The following FRRS1L variants were observed in gnomAD, a reference collection of about 807,000 sequenced individuals.
FRRS1L encodes the protein DOMON domain-containing protein FRRS1L.
In FRRS1L, 22 loss-of-function variants were observed where a neutral mutation model predicts 28.6. The observed-to-expected ratio is 0.77, with a 90% CI of 0.55 to 1.10. The LOEUF is 1.10. Among genes scored for constraint, FRRS1L ranks in the 50% least tolerant of loss-of-function variants. FRRS1L has a pLI of 0.00. For missense variants in FRRS1L, 380 were observed against 386.9 expected (o/e 0.98, Z 0.15); for synonymous variants, 158 against 151.4 (o/e 1.04, Z -0.32).
intron 1 of FRRS1L, among the ~76,000 whole-genome samples, chr9:109,159,909 A>G (rs1257497876): frequency 1.3e-5 from 2 of 152,158 alleles, no homozygotes; most frequent in African/African-American, 4.8e-5. Flanking sequence ...AATCATGTGA[A>G]CCAGTTCCTT....
chr9:109,153,611 G>A (rs891025594), intron 1 of FRRS1L, among the ~76,000 whole-genome samples: 4 of 152,034 alleles, frequency 2.6e-5, no homozygotes, highest in Admixed American at 2.0e-4. Context: ...AATAATAGAA[G>A]CTGAAGTGGG....
At chr9:109,151,700 CA>C (rs569439329) in intron 1 of FRRS1L, 56 of 163,092 alleles carry the variant, frequency 3.4e-4, no homozygotes, top group Admixed American at 9.8e-4. Context: ...TTGAATCACC[CA>C]AAAACCTTCC....
intron 2 of FRRS1L, 81 bp from the exon 3 acceptor site, chr9:109,147,270 G>GTA: frequency 5.2e-6 from 6 of 1,155,826 alleles, no homozygotes; most frequent in African/African-American, 1.5e-5. Context: ...GTATCATGTG[G>GTA]GATGCTAAGC....
At position 109,158,270 on chromosome 9, in the gene FRRS1L, C is replaced by T. The variant is rs111947396; in HGVS notation, c.239-8550G>A. 8.4e-3 allele frequency among the ~76,000 whole-genome samples: 1,280 copies of T among 152,160 alleles called. 28 individuals carry two copies. The highest frequency in any genetic ancestry group is 0.029 in the African/African-American group (1,220 of 41,496). Reference sequence around the variant, plus strand: ...CTAGGAATTTGTCCATTTAAATTTTCGAGTGTATTGGCATAAAACTGTTCC... The same window carrying T: ...CTAGGAATTTGTCCATTTAAATTTTTGAGTGTATTGGCATAAAACTGTTCC... On this transcript the variant is annotated intron_variant, in intron 1 of 4. Transcript: ENST00000561981.
chr9:109,156,492 G>A (rs1197892967), intron 1 of FRRS1L, among the ~76,000 whole-genome samples: 5 of 151,650 alleles, frequency 3.3e-5, no homozygotes, highest in Admixed American at 6.6e-5. Context: ...GGGTTCAAGC[G>A]ATTCTCCTGC....
Position 109,166,908 on chromosome 9 carries a change from C to CGACA in FRRS1L, c.227_230dup (p.Glu78ValfsTer28), listed in dbSNP as rs1564238001. On this transcript the variant is annotated frameshift_variant, in exon 1 of 5. Transcript: ENST00000561981. LOFTEE classifies it high-confidence loss of function. ...GCCCTCCCGCAGCCTCACCCTCCTCCGACAGGTAGCGCAGGTCGTAGAACT... is the reference window on the plus strand; with the variant it reads ...GCCCTCCCGCAGCCTCACCCTCCTCCGACAGACAGGTAGCGCAGGTCGTAGAACT... The CGACA allele has an allele frequency of 7.4e-7, 1 of 1,357,586 alleles. No homozygotes were observed. The highest frequency in any genetic ancestry group is 2.7e-5 in the Admixed American group (1 of 37,054). The allele number at this position is 1,357,586 out of a possible 1,614,324, so 84.1% of individuals were successfully genotyped here.
At position 109,149,738 on chromosome 9, in the gene FRRS1L, AGAAG is replaced by A. The variant is rs1831307834; in HGVS notation, c.239-22_239-19del. On this transcript the variant is annotated intron_variant, in intron 1 of 4. Coordinates refer to ENST00000561981, the MANE Select transcript of FRRS1L (RefSeq NM_014334.4). ...GGGGTAACCTGGGCAGTGAGAATAA[AGAAG>A]GGTTAGAAAATCCAGTAACAACTGT... 2.6e-6 allele frequency: 4 copies of A among 1,536,620 alleles called. No individual in the cohort carries two copies. The highest frequency in any genetic ancestry group is 3.6e-6 in the Non-Finnish European group (4 of 1,113,136).
At chr9:109,157,005 C>A (rs999712858) in intron 1 of FRRS1L, among the ~76,000 whole-genome samples, 6 of 152,146 alleles carry the variant, frequency 3.9e-5, no homozygotes, top group Non-Finnish European at 5.9e-5. Context: ...TAAATGTATT[C>A]AAAACTGTAA....
intron 3 of FRRS1L, among the ~76,000 whole-genome samples, chr9:109,145,513 C>T (rs1383794115): frequency 2.0e-5 from 3 of 152,102 alleles, no homozygotes; most frequent in Non-Finnish European, 2.9e-5. Context: ...GCCTGGCCAA[C>T]GTGTGAAACC....
At chr9:109,152,803 CAAAAAAAAAAAAAAAAAAAAAAAAA>C (rs59385693) in intron 1 of FRRS1L, among the ~76,000 whole-genome samples, 2 of 24,116 alleles carry the variant, frequency 8.3e-5, no homozygotes, top group Non-Finnish European at 1.3e-4. Context: ...GACTCCATCT[CAAAAAAAAAAAAAAAAAAAAAAAAA>C]AAAAAAAAAA....
intron 1 of FRRS1L, among the ~76,000 whole-genome samples, chr9:109,155,268 C>T (rs1175147653): frequency 6.6e-6 from 1 of 152,218 alleles, no homozygotes; most frequent in Non-Finnish European, 1.5e-5. Flanking sequence ...GCATAAATGA[C>T]ACTGTGCAGT....
intron 4 of FRRS1L, 58 bp downstream of exon 4, chr9:109,141,285 A>G (rs943787010): frequency 1.9e-6 from 3 of 1,594,754 alleles, no homozygotes; most frequent in African/African-American, 2.7e-5. Context: ...TCAATTAACA[A>G]TGAACACAAG....
rs982813211 is a variant in FRRS1L, at chr9:109,137,348, T to C, written c.*107A>G. ...CAAAAAGCTGAAATTATATGAGGTT[T>C]TTTTTCTTAAATAATTGAAGCTAAA... On this transcript the variant is annotated 3_prime_UTR_variant, in exon 5 of 5. Transcript: ENST00000561981. 1.6e-5 allele frequency: 11 copies of C among 681,526 alleles called. No homozygotes were observed. The highest frequency in any genetic ancestry group is 7.0e-5 in the Admixed American group (2 of 28,392). The allele number at this position is 681,526 out of a possible 1,614,324, so 42.2% of individuals were successfully genotyped here.
intron 2 of FRRS1L, chr9:109,147,464 G>C (rs1365505344): frequency 3.0e-6 from 1 of 336,060 alleles, no homozygotes; most frequent in Admixed American, 4.5e-5. Context: ...CTTGAATCTG[G>C]GTATCTAAAC....
chr9:109,152,995 T>C (rs550604095), intron 1 of FRRS1L, among the ~76,000 whole-genome samples: 8 of 152,098 alleles, frequency 5.3e-5, no homozygotes, highest in African/African-American at 1.9e-4. Context: ...AAACTTGTAA[T>C]AGGAACTTGT....
At chr9:109,142,978 C>A (rs922664037) in intron 3 of FRRS1L, among the ~76,000 whole-genome samples, 1 of 112,492 alleles carries the variant, frequency 8.9e-6, no homozygotes, top group Non-Finnish European at 1.8e-5. Flanking sequence ...TACTATCCTT[C>A]CTGCTTGCCT....
intron 3 of FRRS1L, among the ~76,000 whole-genome samples, chr9:109,144,058 C>T (rs533889619): frequency 2.0e-5 from 3 of 152,244 alleles, no homozygotes; most frequent in Non-Finnish European, 4.4e-5. Flanking sequence ...AGCCCTACCA[C>T]GAGTGCAAAT....
Position 109,167,027 on chromosome 9 carries a change from C to G in FRRS1L, c.112G>C (p.Gly38Arg). ...ASPADDGAGP[G>R]GRGPRGRARG... ...GCGCGTCCCCGGGGTCCCCGGCCCC[C>G]CGGGCCCGCACCGTCGTCCGCGGGG... The change falls in exon 1 of 5, where the codon GGG becomes CGG. Residue 38 changes from glycine (G) to arginine (R), a missense_variant. Coordinates refer to ENST00000561981, the MANE Select transcript of FRRS1L (RefSeq NM_014334.4). 8.2e-7 allele frequency: 1 copy of G among 1,213,538 alleles called. No homozygotes were observed. Among genetic ancestry groups the G allele is most frequent in the Non-Finnish European group, 1.0e-6 (1 of 977,424 alleles). The allele number at this position is 1,213,538 out of a possible 1,614,324, so 75.2% of individuals were successfully genotyped here.
chr9:109,146,909 T>G, intron 3 of FRRS1L, 142 bp downstream of exon 3: 1 of 760,582 alleles, frequency 1.3e-6, no homozygotes, highest in East Asian at 2.6e-5. Context: ...TAAGCTAGCC[T>G]GAATTTTTTT....
Sources: allele counts gnomAD v4.1 joint callset (sites outside exome capture counted in the v4.1 genomes callset), GRCh38; gene constraint gnomAD v4.1.1; transcripts MANE v1.5; gene names NCBI Gene and HGNC (gene_info 2026-07-23, HGNC 2026-07-21).